OVCH1: variants seen among roughly 807,000 people sequenced by gnomAD.
OVCH1 encodes the protein ovochymase 1.
OVCH1 carries 139 observed loss-of-function variants against 138.4 expected under a neutral mutation model. The observed-to-expected ratio is 1.00, with a 90% CI of 0.87 to 1.16. The LOEUF (loss-of-function observed/expected upper bound fraction) is 1.16. Ranked by LOEUF, OVCH1 falls within the 50% of genes most tolerant of loss-of-function variation. The probability of loss-of-function intolerance (pLI) is 0.00; values close to 1 mark genes in which losing one functional copy is unlikely to be tolerated. For synonymous variants in OVCH1, 453 were observed against 467.8 expected, an observed-to-expected ratio of 0.97 and a Z score of 0.41; for missense variants, 1,367 against 1,357.9, an observed-to-expected ratio of 1.01 and a Z score of -0.11.
chr12:29,407,170 A>G, the OVCH1 span, among the ~76,000 whole-genome samples: 1 of 148,898 alleles, frequency 6.7e-6, no homozygotes, highest in African/African-American at 2.4e-5. Flanking sequence ...TTTTTCTTGT[A>G]AATTTGTTTG....
At chr12:29,461,621 A>G in intron 19 of OVCH1, 1 of 579,398 alleles carries the variant, frequency 1.7e-6, no homozygotes. Flanking sequence ...CAGCTCCTCT[A>G]TGAACCCACC....
At chr12:29,417,116 G>A (rs1592022270) in intron 3 of OVCH1, among the ~76,000 whole-genome samples, 2 of 152,270 alleles carry the variant, frequency 1.3e-5, no homozygotes, top group South Asian at 4.2e-4. Context: ...AAATACTCTT[G>A]AAATAACAAA....
chr12:29,472,478 A>G (rs1334540527), intron 15 of OVCH1, among the ~76,000 whole-genome samples: 1 of 152,212 alleles, frequency 6.6e-6, no homozygotes, highest in Non-Finnish European at 1.5e-5. Context: ...TTCTCTTATC[A>G]GGAATTGATG....
At chr12:29,436,752 T>C (rs1941368378) in intron 26 of OVCH1, among the ~76,000 whole-genome samples, 1 of 152,190 alleles carries the variant, frequency 6.6e-6, no homozygotes, top group Admixed American at 6.5e-5. Flanking sequence ...CAGAGTTGTT[T>C]GTTCCTCCGG....
chr12:29,477,865 G>C (rs1463159548), intron 9 of OVCH1, among the ~76,000 whole-genome samples: 2 of 152,180 alleles, frequency 1.3e-5, no homozygotes, highest in African/African-American at 4.8e-5. Flanking sequence ...TTTGGGCAGA[G>C]TGCTTTTTCT....
chr12:29,468,282 C>T (rs1942385174), intron 16 of OVCH1, among the ~76,000 whole-genome samples: 1 of 151,936 alleles, frequency 6.6e-6, no homozygotes, highest in South Asian at 2.1e-4. Flanking sequence ...CCTTTTTCCC[C>T]AAAAGCATTA....
At chr12:29,427,530 C>T, downstream of OVCH1, 1 of 1,548,976 alleles carries the variant, frequency 6.5e-7, no homozygotes, top group Non-Finnish European at 8.7e-7. Context: ...TGGTTAGAGG[C>T]CTCTTCCTCC....
At chr12:29,496,887 C>T (rs566975416) in intron 1 of OVCH1, among the ~76,000 whole-genome samples, 29 of 152,348 alleles carry the variant, frequency 1.9e-4, no homozygotes, top group Non-Finnish European at 3.4e-4. Context: ...CCCTTTCAGC[C>T]TGTGTTACCA....
At chr12:29,411,097 T>A (rs1371549452), downstream of OVCH1, among the ~76,000 whole-genome samples, 1 of 114,154 alleles carries the variant, frequency 8.8e-6, no homozygotes, top group Non-Finnish European at 2.1e-5. Flanking sequence ...GTTGATCGCA[T>A]CAGCTCCTGA....
chr12:29,493,970 A>AT (rs1454838974), intron 4 of OVCH1, among the ~76,000 whole-genome samples: 1 of 152,200 alleles, frequency 6.6e-6, no homozygotes, highest in Non-Finnish European at 1.5e-5. Context: ...GAGGCTGATT[A>AT]CTCACCTGGA....
chr12:29,403,492 A>G, the OVCH1 span, among the ~76,000 whole-genome samples: 12 of 152,184 alleles, frequency 7.9e-5, no homozygotes, highest in African/African-American at 2.9e-4. Context: ...AAGTTGCCTC[A>G]GGCTCCTATT....
intron 14 of OVCH1, 83 bp downstream of exon 14, chr12:29,474,978 A>G (rs1229780114): frequency 7.0e-7 from 1 of 1,432,484 alleles, no homozygotes; most frequent in African/African-American, 1.5e-5. Flanking sequence ...GCTATACTAC[A>G]TTGAGGTAAA....
At chr12:29,449,222 A>C (rs1941704400) in intron 22 of OVCH1, among the ~76,000 whole-genome samples, 2 of 146,654 alleles carry the variant, frequency 1.4e-5, no homozygotes, top group South Asian at 4.5e-4. Context: ...GCATTCTGGC[A>C]TGGTTCCACT....
chr12:29,433,710 A>AT lies in OVCH1; in HGVS notation c.3327+40dup, dbSNP rs779563750. The AT allele has an allele frequency of 1.1e-5, 15 of 1,398,122 alleles. No individual in the cohort carries two copies. The East Asian group carries it at 2.2e-4, about 20-fold the overall frequency. 86.6% of individuals were successfully genotyped at this position (1,398,122 alleles called of 1,614,324 possible). ...GAATAATTCTCGGTTTAAATGTGAG[A>AT]TTTTTTTCTATTTTATGTTAGTCCC... On this transcript the variant is annotated intron_variant, in intron 27 of 27. Coordinates refer to ENST00000318184, the Ensembl canonical transcript of OVCH1.
chr12:29,458,163 A>G (rs1370441760), intron 19 of OVCH1, among the ~76,000 whole-genome samples: 1 of 152,210 alleles, frequency 6.6e-6, no homozygotes, highest in East Asian at 1.9e-4. Context: ...ATGGAACCAC[A>G]AAAGACTCAG....
intron 8 of OVCH1, among the ~76,000 whole-genome samples, chr12:29,480,917 A>AT (rs1592101453): frequency 6.6e-6 from 1 of 152,090 alleles, no homozygotes; most frequent in African/African-American, 2.4e-5. Flanking sequence ...CTAAAGCACA[A>AT]TTTTTTCACA....
chr12:29,442,640 AAT>A (rs1319891317), intron 25 of OVCH1, among the ~76,000 whole-genome samples: 3 of 151,834 alleles, frequency 2.0e-5, no homozygotes, highest in African/African-American at 7.2e-5. Context: ...AATAAAAAAA[AAT>A]AAAAAAAAGA....
exon 26 of OVCH1, chr12:29,439,366 T>G (rs1470975701): frequency 6.3e-7 from 1 of 1,580,404 alleles, no homozygotes; most frequent in Non-Finnish European, 8.6e-7. Context: ...TATGTGTTAA[T>G]AAAATTCAGT....
exon 3 of OVCH1, chr12:29,496,195 C>T: frequency 6.2e-7 from 1 of 1,607,094 alleles, no homozygotes; most frequent in Non-Finnish European, 8.5e-7. Flanking sequence ...TGAGGCTGTC[C>T]AGGCAGTGTG....
Sources: allele counts gnomAD v4.1 joint callset (sites outside exome capture counted in the v4.1 genomes callset), GRCh38; gene constraint gnomAD v4.1.1; transcripts MANE v1.5; gene names NCBI Gene and HGNC (gene_info 2026-07-23, HGNC 2026-07-21).